SBK1: variants seen among roughly 807,000 people sequenced by gnomAD.
SBK1 encodes the protein SH3 domain binding kinase 1.
Under a neutral mutation model 24.4 loss-of-function variants are expected in SBK1, and 11 were observed. The ratio of observed to expected loss-of-function variants is 0.45; its 90% confidence interval spans 0.28 to 0.75. SBK1 has a LOEUF of 0.75. Ranked by LOEUF, SBK1 falls within the 30% of genes least tolerant of loss-of-function variation. The pLI, the probability that SBK1 is intolerant of heterozygous loss-of-function variation, is 0.12. For missense variants in SBK1, 467 were observed against 620.5 expected, an observed-to-expected ratio of 0.75 and a Z score of 2.63; for synonymous variants, 308 against 284.4, an observed-to-expected ratio of 1.08 and a Z score of -0.83.
In SBK1 at chr16:28,280,740, C is replaced by T. The variant is rs536716142; in HGVS notation, c.257+21238C>T. On this transcript the variant is annotated intron_variant, in intron 1 of 3. Transcript: ENST00000671413. ...AGTGCAGTGGCATAATCTTGGCTCA[C>T]TGCAACCTCCGCCTCCCGGATTCAA... is the stretch of plus-strand genomic sequence containing the variant. 4.6e-3 allele frequency among the ~76,000 whole-genome samples: 705 copies of T among 152,286 alleles called. 2 individuals are homozygous for T. Among genetic ancestry groups the T allele is most frequent in the South Asian group, 7.9e-3 (38 of 4,826 alleles).
Position 28,317,571 on chromosome 16 carries a change from C to G in SBK1, c.180C>G (p.Gly60=), listed in dbSNP as rs778767612. 6.2e-7 allele frequency: 1 copy of G among 1,604,274 alleles called. No individual in the cohort carries two copies. Among genetic ancestry groups the G allele is most frequent in the South Asian group, 1.1e-5 (1 of 90,978 alleles). ...TKHYELVREL[G]KGTYGKVDLV... is the part of the protein sequence containing the mutation. ...ACTACGAACTAGTCCGGGAGCTGGGCAAAGGCACCTATGGGAAGGTTGACC... is the reference window on the plus strand; with the variant it reads ...ACTACGAACTAGTCCGGGAGCTGGGGAAAGGCACCTATGGGAAGGTTGACC... The change falls in exon 2 of 4, where the codon GGC becomes GGG. Residue 60 remains glycine (G), a synonymous_variant. Transcript: ENST00000341901. This position sits in a 1 kb window ranked among gnomAD's most constrained non-coding sequence, Gnocchi z 4.2.
rs71140958 is a variant in SBK1 at position 28,260,084 on chromosome 16, T to TTG, written c.257+604_257+605dup. ...CGAAAATGCATGCATGTGTATTTGC[T>TTG]TGTGTGTGTGTGTGTGTGTGTGTAA... On this transcript the variant is annotated intron_variant, in intron 1 of 3. Coordinates refer to the SBK1 transcript ENST00000671413. 8.9e-3 allele frequency among the ~76,000 whole-genome samples: 1,334 copies of TTG among 149,310 alleles called. 11 individuals are homozygous for TTG. Among genetic ancestry groups the TTG allele is most frequent in the African/African-American group, 0.022 (907 of 40,876 alleles).
In SBK1 at chr16:28,320,295, C is replaced by T; in HGVS notation, c.649C>T (p.Pro217Ser). ...GAGCGGCACCATCCCTTACACGGCG[C>T]CTGAGGTGTGCCAGGCGGGCCGCGC... is the stretch of plus-strand genomic sequence containing the variant. ...RVSGTIPYTAPEVCQAGRADG... is the reference protein window; with the variant it reads ...RVSGTIPYTASEVCQAGRADG... The change falls in exon 4 of 4, where the codon CCT becomes TCT. Residue 217 changes from proline to serine, a missense_variant. Pro to Ser is a moderately conservative substitution (Grantham distance 74). This residue lies in a region of SBK1 where 92 missense variants were observed against 193.8 expected (regional missense o/e 0.47). Coordinates refer to ENST00000341901, the MANE Select transcript of SBK1 (RefSeq NM_001024401.3). This position sits in a 1 kb window ranked among gnomAD's most constrained non-coding sequence, Gnocchi z 8.5. 6.3e-7 allele frequency: 1 copy of T among 1,591,714 alleles called. No homozygotes were observed. Among genetic ancestry groups the T allele is most frequent in the Non-Finnish European group, 8.5e-7 (1 of 1,175,266 alleles).
intron 1 of SBK1, among the ~76,000 whole-genome samples, chr16:28,275,111 A>G (rs538266788): frequency 5.9e-5 from 9 of 152,190 alleles, no homozygotes; most frequent in Non-Finnish European, 1.2e-4. Flanking sequence ...GGATCTCTAG[A>G]GGGCTGAAGT....
chr16:28,262,602 C>G (rs543721007), intron 1 of SBK1, among the ~76,000 whole-genome samples: 1 of 152,160 alleles, frequency 6.6e-6, no homozygotes, highest in Non-Finnish European at 1.5e-5. Flanking sequence ...AACACACGCT[C>G]GAACAGACAG....
intron 1 of SBK1, among the ~76,000 whole-genome samples, chr16:28,266,078 T>C (rs2141558609): frequency 6.6e-6 from 1 of 152,064 alleles, no homozygotes; most frequent in South Asian, 2.1e-4. Flanking sequence ...AAAGCCCCAT[T>C]GAAAGGACAG....
upstream of SBK1, chr16:28,290,855 AGT>A (rs1438744830): frequency 6.6e-6 from 1 of 152,204 alleles, no homozygotes; most frequent in Non-Finnish European, 1.5e-5. Context: ...TTGTCTGCAA[AGT>A]GTGTTTCATT....
chr16:28,279,918 C>G (rs28651454), intron 1 of SBK1, among the ~76,000 whole-genome samples: 146,545 of 151,296 alleles, frequency 0.97, 71,106 homozygotes, highest in East Asian at 1. Flanking sequence ...GATGGTTCTT[C>G]ACCTGCCAGA....
intron 1 of SBK1, among the ~76,000 whole-genome samples, chr16:28,269,348 T>C (rs191599579): frequency 7.9e-5 from 12 of 151,678 alleles, no homozygotes; most frequent in African/African-American, 2.7e-4. Context: ...AAGTTCTTTC[T>C]TGAAAGGAGA....
In SBK1 at chr16:28,259,952, A is replaced by G. The variant is rs2044387022; in HGVS notation, c.257+450A>G. Among the ~76,000 whole-genome samples the G allele has an allele frequency of 1.3e-5, 2 of 152,072 alleles. No individual in the cohort carries two copies. The highest frequency in any genetic ancestry group is 2.4e-5 in the African/African-American group (1 of 41,394). ...GCCCAGCTGCAACGCTTCCTCCTTC[A>G]GGAAGCCCTCCTGGATGTCCCTGTC... On this transcript the variant is annotated intron_variant, in intron 1 of 3. Coordinates refer to the SBK1 transcript ENST00000671413. The surrounding 1 kb of genome is among the most constrained non-coding windows in gnomAD (Gnocchi z 6.0).
chr16:28,289,494 G>C (rs1231663903), upstream of SBK1, among the ~76,000 whole-genome samples: 1 of 152,214 alleles, frequency 6.6e-6, no homozygotes, highest in Non-Finnish European at 1.5e-5. Context: ...GGCCGGGTGA[G>C]GTGGTTCACA....
intron 1 of SBK1, among the ~76,000 whole-genome samples, chr16:28,315,113 A>C (rs1370345384): frequency 6.6e-6 from 1 of 152,182 alleles, no homozygotes; most frequent in East Asian, 1.9e-4. Context: ...GCCAGTGCAC[A>C]CACAGATACA....
upstream of SBK1, among the ~76,000 whole-genome samples, chr16:28,288,053 G>C (rs1280459942): frequency 6.6e-6 from 1 of 152,132 alleles, no homozygotes; most frequent in East Asian, 1.9e-4. Context: ...AAGAAGGAGG[G>C]AGGAAGAGGA....
At chr16:28,315,912 T>G (rs919588904) in intron 1 of SBK1, among the ~76,000 whole-genome samples, 4 of 152,144 alleles carry the variant, frequency 2.6e-5, no homozygotes, top group Non-Finnish European at 5.9e-5. Context: ...ATTACAGGCG[T>G]GCATCACCAT....
chr16:28,270,406 A>AATT (rs59973055), intron 1 of SBK1, among the ~76,000 whole-genome samples: 5,976 of 145,970 alleles, frequency 0.041, 245 homozygotes, highest in African/African-American at 0.11. Flanking sequence ...TTCAGCCTAG[A>AATT]ATTATTATTA....
At chr16:28,300,503 T>C (rs1182544115) in intron 1 of SBK1, among the ~76,000 whole-genome samples, 1 of 152,082 alleles carries the variant, frequency 6.6e-6, no homozygotes, top group African/African-American at 2.4e-5. Flanking sequence ...TTTTAATGTT[T>C]TATAGAAATG....
chr16:28,319,065 C>T lies in SBK1; in HGVS notation c.297C>T (p.Ser99=). The change falls in exon 3 of 4, where the codon AGC becomes AGT. Residue 99 remains serine (S), a synonymous_variant. Coordinates refer to ENST00000341901, the MANE Select transcript of SBK1 (RefSeq NM_001024401.3). This position sits in a 1 kb window ranked among gnomAD's most constrained non-coding sequence, Gnocchi z 4.0. ...TGAAGAACTTCCTACGGGAGGTGAG[C>T]ATCACCAACAGCCTCTCCTCCAGCC... The part of the protein sequence containing the change: ...TKLKNFLREV[S]ITNSLSSSPF... The T allele has an allele frequency of 6.2e-7, 1 of 1,614,058 alleles. No individual in the cohort carries two copies. Among genetic ancestry groups the T allele is most frequent in the Non-Finnish European group, 8.5e-7 (1 of 1,179,930 alleles).
chr16:28,280,145 A>ATGTGTGTGTGTGTGTGTGTGTG (rs1292773760), intron 1 of SBK1, among the ~76,000 whole-genome samples: 3 of 55,290 alleles, frequency 5.4e-5, no homozygotes, highest in Non-Finnish European at 1.3e-4. Flanking sequence ...ATATATATAT[A>ATGTGTGTGTGTGTGTGTGTGTG]TATATGTGTG....
At chr16:28,280,151 G>GTGTGTGTGTGTGTGTGTGTGTGTA (rs2044523260) in intron 1 of SBK1, among the ~76,000 whole-genome samples, 1 of 37,564 alleles carries the variant, frequency 2.7e-5, no homozygotes, top group Admixed American at 3.4e-4. Flanking sequence ...ATATATATAT[G>GTGTGTGTGTGTGTGTGTGTGTGTA]TGTGTGTGTG....
Sources: allele counts gnomAD v4.1 joint callset (sites outside exome capture counted in the v4.1 genomes callset), GRCh38; gene constraint gnomAD v4.1.1; regional missense constraint gnomAD v4.1.1; non-coding constraint Gnocchi (gnomAD v3.1); transcripts MANE v1.5; gene names NCBI Gene and HGNC (gene_info 2026-07-23, HGNC 2026-07-21).